PTPRR: variants seen among roughly 807,000 people sequenced by gnomAD.
PTPRR encodes protein tyrosine phosphatase receptor type R.
A neutral mutation model predicts 77.2 loss-of-function variants in PTPRR; 38 were observed. The observed-to-expected ratio is 0.49, with a 90% confidence interval of 0.38 to 0.65. The LOEUF is 0.65. PTPRR is among the 30% of genes least tolerant of loss of function. The probability of loss-of-function intolerance (pLI) is 0.00; values close to 1 mark genes in which losing one functional copy is unlikely to be tolerated. For synonymous variants in PTPRR, 299 were observed against 283.1 expected, an observed-to-expected ratio of 1.06 and a Z score of -0.57; for missense variants, 744 against 799.2, an observed-to-expected ratio of 0.93 and a Z score of 0.83.
chr12:70,639,535 G>T, intron 13 of PTPRR: 1 of 1,187,428 alleles, frequency 8.4e-7, no homozygotes, highest in Non-Finnish European at 1.0e-6. Flanking sequence ...AACATTACTG[G>T]GGAGGTGGTA....
At chr12:70,671,777 T>G (rs1887234525) in intron 10 of PTPRR, 2 of 520,706 alleles carry the variant, frequency 3.8e-6, no homozygotes, top group South Asian at 6.5e-5. Flanking sequence ...CACTCTGAAA[T>G]ACATATTTGA....
chr12:70,901,074 A>T lies in PTPRR; in HGVS notation c.59-8097T>A, dbSNP rs1174840292. 2.0e-5 allele frequency among the ~76,000 whole-genome samples: 3 copies of T among 151,594 alleles called. No individual in the cohort carries two copies. The East Asian group carries it at 5.8e-4, about 29-fold the overall frequency. On this transcript the variant is annotated intron_variant, in intron 1 of 13. Coordinates refer to ENST00000283228, the MANE Select transcript of PTPRR (RefSeq NM_002849.4). ...GGCCCAAAATTCAAAATACTCCAAC[A>T]AGCATTTCCTTTGAGCATCATGTTG... is the stretch of plus-strand genomic sequence containing the variant.
intron 2 of PTPRR, among the ~76,000 whole-genome samples, chr12:70,797,195 T>C (rs761396894): frequency 1.3e-5 from 2 of 152,220 alleles, no homozygotes; most frequent in Non-Finnish European, 2.9e-5. Flanking sequence ...ACTCAACAAA[T>C]ATTTGAGTTT....
At chr12:70,811,013 C>T (rs572929530) in intron 2 of PTPRR, among the ~76,000 whole-genome samples, 4 of 152,054 alleles carry the variant, frequency 2.6e-5, no homozygotes, top group African/African-American at 9.6e-5. Flanking sequence ...AGTCAGTGTG[C>T]CCTTAGGTAT....
At chr12:70,801,754 T>A (rs901107723) in intron 2 of PTPRR, among the ~76,000 whole-genome samples, 1 of 152,184 alleles carries the variant, frequency 6.6e-6, no homozygotes, top group African/African-American at 2.4e-5. Context: ...TCTATCTATC[T>A]ATCTATCTAT....
intron 2 of PTPRR, among the ~76,000 whole-genome samples, chr12:70,892,204 GAAAA>G (rs1893349969): frequency 6.6e-6 from 1 of 151,996 alleles, no homozygotes; most frequent in Non-Finnish European, 1.5e-5. Context: ...TCCAGTGACA[GAAAA>G]CTACTCTCCC....
intron 6 of PTPRR, among the ~76,000 whole-genome samples, chr12:70,714,083 T>C (rs1488849116): frequency 6.6e-6 from 1 of 152,026 alleles, no homozygotes; most frequent in African/African-American, 2.4e-5. Context: ...TATTCTGAAG[T>C]AGATACCTGA....
intron 6 of PTPRR, among the ~76,000 whole-genome samples, chr12:70,724,295 C>T (rs550323489): frequency 7.2e-5 from 11 of 152,198 alleles, no homozygotes; most frequent in South Asian, 2.1e-4. Context: ...GCCAGACTGC[C>T]GGGGGTTCAA....
chr12:70,903,423 T>G (rs1306848940), intron 1 of PTPRR, among the ~76,000 whole-genome samples: 1 of 151,804 alleles, frequency 6.6e-6, no homozygotes, highest in Non-Finnish European at 1.5e-5. Flanking sequence ...AACTGCTAAA[T>G]AAAATTTAAA....
At chr12:70,692,636 G>C (rs1888094268) in intron 8 of PTPRR, among the ~76,000 whole-genome samples, 1 of 152,084 alleles carries the variant, frequency 6.6e-6, no homozygotes, top group South Asian at 2.1e-4. Flanking sequence ...TCTCCCAAAT[G>C]TTCTATGTTT....
At chr12:70,889,893 C>A (rs1296099260) in intron 2 of PTPRR, among the ~76,000 whole-genome samples, 3 of 152,110 alleles carry the variant, frequency 2.0e-5, no homozygotes, top group African/African-American at 7.2e-5. Context: ...TCACTGATGT[C>A]AAAAACCACC....
At position 70,678,477 on chromosome 12, in the gene PTPRR, G is replaced by T. The variant is rs59105368; in HGVS notation, c.1497+5650C>A. On this transcript the variant is annotated intron_variant, in intron 10 of 13. Transcript: ENST00000283228. ...TTTTTTTAGATTATCCAATTTGTTCGTGTAGTATTGTTCACCATAGTCTTT... is the reference window on the plus strand; with the variant it reads ...TTTTTTTAGATTATCCAATTTGTTCTTGTAGTATTGTTCACCATAGTCTTT... 7.5e-3 allele frequency among the ~76,000 whole-genome samples: 1,144 copies of T among 152,056 alleles called. 15 individuals are homozygous for T. The highest frequency in any genetic ancestry group is 0.026 in the African/African-American group (1,089 of 41,478).
intron 6 of PTPRR, among the ~76,000 whole-genome samples, chr12:70,729,326 GTCTATCTATCTATCTA>G (rs58783163): frequency 0.22 from 33,122 of 150,972 alleles, 3,881 homozygotes; most frequent in East Asian, 0.45. Flanking sequence ...GTATCTATCT[GTCTATCTATCTATCTA>G]TCTATCTATC....
chr12:70,776,385 C>G (rs1891088283), intron 2 of PTPRR, among the ~76,000 whole-genome samples: 2 of 152,234 alleles, frequency 1.3e-5, no homozygotes, highest in Non-Finnish European at 2.9e-5. Flanking sequence ...TAATGGGTTG[C>G]CAGTTTTCTG....
At chr12:70,710,393 A>G (rs1032646613) in intron 6 of PTPRR, among the ~76,000 whole-genome samples, 1 of 152,210 alleles carries the variant, frequency 6.6e-6, no homozygotes, top group African/African-American at 2.4e-5. Context: ...CATATACAAA[A>G]ATTAACTCAA....
chr12:70,866,598 A>G (rs935473017), intron 2 of PTPRR, among the ~76,000 whole-genome samples: 224 of 152,244 alleles, frequency 1.5e-3, no homozygotes, highest in Non-Finnish European at 2.6e-3. Context: ...AATTCTACCA[A>G]AGGTACAAGG....
chr12:70,664,431 A>G (rs935074311), intron 10 of PTPRR: 1 of 152,236 alleles, frequency 6.6e-6, no homozygotes, highest in Non-Finnish European at 1.5e-5. Flanking sequence ...GAGTCCAAGA[A>G]GAATGACAAA....
chr12:70,748,022 G>C (rs764491543), intron 5 of PTPRR, among the ~76,000 whole-genome samples: 1 of 152,056 alleles, frequency 6.6e-6, no homozygotes, highest in Non-Finnish European at 1.5e-5. Context: ...GAAGGGAAAG[G>C]GTGCTACTGG....
chr12:70,843,287 A>G (rs1892427748), intron 2 of PTPRR, among the ~76,000 whole-genome samples: 1 of 152,240 alleles, frequency 6.6e-6, no homozygotes, highest in Non-Finnish European at 1.5e-5. Flanking sequence ...CTCTTATCCC[A>G]GAAATGTCGA....
Sources: gnomAD v4.1 joint callset for allele counts (sites outside exome capture counted in the v4.1 genomes callset) on GRCh38, gnomAD v4.1.1 for gene constraint, MANE v1.5 for transcripts, NCBI Gene and HGNC (gene_info 2026-07-23, HGNC 2026-07-21) for gene names.